The following MTHFD1L variants were observed in gnomAD, a reference collection of about 807,000 sequenced individuals.
The protein encoded by MTHFD1L is monofunctional C1-tetrahydrofolate synthase, mitochondrial.
MTHFD1L carries 81 observed loss-of-function variants against 119.5 expected under a neutral mutation model. That is an observed-to-expected ratio of 0.68 (90% CI 0.57 to 0.82). MTHFD1L has a LOEUF of 0.82. MTHFD1L is among the 40% of genes least tolerant of loss of function. The probability of loss-of-function intolerance (pLI) is 0.00; values close to 1 mark genes in which losing one functional copy is unlikely to be tolerated. For synonymous variants in MTHFD1L, 430 were observed against 475.2 expected (o/e 0.90, Z 1.24); for missense variants, 1,125 against 1,253.4 (o/e 0.90, Z 1.55).
chr6:151,087,407 G>A (rs1035930839), intron 26 of MTHFD1L, among the ~76,000 whole-genome samples: 1 of 152,068 alleles, frequency 6.6e-6, no homozygotes, highest in Admixed American at 6.6e-5. Flanking sequence ...TATGTAGAAG[G>A]ACTGTCTTCT....
At chr6:151,003,629 C>T (rs1780947383) in intron 20 of MTHFD1L, among the ~76,000 whole-genome samples, 1 of 152,166 alleles carries the variant, frequency 6.6e-6, no homozygotes, top group African/African-American at 2.4e-5. Context: ...GTGCCTGTGG[C>T]TGTTTCTCCA....
chr6:150,923,389 T>G (rs140631798), intron 10 of MTHFD1L, among the ~76,000 whole-genome samples: 2,241 of 152,162 alleles, frequency 0.015, 34 homozygotes, highest in East Asian at 0.029. Context: ...TCCAAGGAAT[T>G]GGCCCCACCC....
At chr6:150,991,443 A>T (rs988341361) in intron 20 of MTHFD1L, among the ~76,000 whole-genome samples, 1 of 152,246 alleles carries the variant, frequency 6.6e-6, no homozygotes, top group African/African-American at 2.4e-5. Flanking sequence ...ATATAGAAGT[A>T]TATCAAATGA....
At chr6:151,015,348 T>G (rs2128491197) in intron 23 of MTHFD1L, among the ~76,000 whole-genome samples, 168 bp from the exon 24 acceptor site, 1 of 152,282 alleles carries the variant, frequency 6.6e-6, no homozygotes, top group East Asian at 1.9e-4. Flanking sequence ...GAGAGGACTT[T>G]TTTTTTCCAT....
At chr6:150,907,023 A>C (rs1189967134) in intron 8 of MTHFD1L, among the ~76,000 whole-genome samples, 1 of 152,094 alleles carries the variant, frequency 6.6e-6, no homozygotes, top group Non-Finnish European at 1.5e-5. Context: ...AAAAAAAAAA[A>C]AACAAAGCCT....
chr6:150,965,071 A>C, intron 19 of MTHFD1L, 34 bp downstream of exon 19: 1 of 1,586,518 alleles, frequency 6.3e-7, no homozygotes, highest in Non-Finnish European at 8.7e-7. Flanking sequence ...AATTGTTTGC[A>C]TTAACTGGAT....
intron 26 of MTHFD1L, among the ~76,000 whole-genome samples, chr6:151,049,363 A>G (rs374825707): frequency 5.9e-5 from 9 of 152,230 alleles, no homozygotes; most frequent in Admixed American, 2.6e-4. Flanking sequence ...GTGGTGGCAG[A>G]CGCCTGTAGT....
intron 8 of MTHFD1L, 97 bp from the exon 9 acceptor site, chr6:150,918,480 T>G: frequency 3.0e-5 from 26 of 873,034 alleles, no homozygotes; most frequent in Non-Finnish European, 4.2e-5. Context: ...TGGTGAAAAA[T>G]GAGACCACTA....
intron 7 of MTHFD1L, among the ~76,000 whole-genome samples, chr6:150,891,964 T>C (rs1226183127): frequency 1.3e-5 from 2 of 152,204 alleles, no homozygotes; most frequent in Non-Finnish European, 2.9e-5. Context: ...GCCAGGTGTC[T>C]CAGCAGATTT....
intron 7 of MTHFD1L, among the ~76,000 whole-genome samples, chr6:150,896,694 G>T (rs1190038567): frequency 6.6e-6 from 1 of 152,160 alleles, no homozygotes; most frequent in Non-Finnish European, 1.5e-5. Flanking sequence ...GGAAGAAAGT[G>T]AATAGAACTT....
At chr6:150,986,006 AG>A (rs1321440538) in intron 20 of MTHFD1L, among the ~76,000 whole-genome samples, 1 of 152,254 alleles carries the variant, frequency 6.6e-6, no homozygotes, top group Non-Finnish European at 1.5e-5. Flanking sequence ...TGGTGCCAAA[AG>A]GGATGTTAAG....
At chr6:150,967,160 C>G (rs759363531) in intron 19 of MTHFD1L, among the ~76,000 whole-genome samples, 1 of 152,252 alleles carries the variant, frequency 6.6e-6, no homozygotes, top group African/African-American at 2.4e-5. Flanking sequence ...TTGTCTGTCA[C>G]TGGGGTCTCC....
At chr6:151,030,866 C>T (rs1785249188) in intron 24 of MTHFD1L, among the ~76,000 whole-genome samples, 1 of 152,142 alleles carries the variant, frequency 6.6e-6, no homozygotes, top group Non-Finnish European at 1.5e-5. Flanking sequence ...CTTTATTCTT[C>T]AGCTAATATG....
chr6:150,903,274 G>C (rs886166961), intron 7 of MTHFD1L, among the ~76,000 whole-genome samples: 3 of 133,892 alleles, frequency 2.2e-5, no homozygotes, highest in African/African-American at 8.6e-5. Flanking sequence ...CTGGAGTGCA[G>C]TGGTGCAATC....
chr6:150,915,773 T>G (rs2128878496), intron 8 of MTHFD1L, among the ~76,000 whole-genome samples: 1 of 152,256 alleles, frequency 6.6e-6, no homozygotes, highest in African/African-American at 2.4e-5. Context: ...CTAACTTTTT[T>G]TTGTATTTTT....
chr6:151,099,722 C>T (rs1795203697), intron 27 of MTHFD1L: 2 of 1,611,020 alleles, frequency 1.2e-6, no homozygotes, highest in African/African-American at 2.7e-5. Context: ...AACAAAAAAA[C>T]AAAGCACATG....
At chr6:150,975,982 G>A (rs552500661) in intron 20 of MTHFD1L, among the ~76,000 whole-genome samples, 14 of 152,204 alleles carry the variant, frequency 9.2e-5, no homozygotes, top group Non-Finnish European at 2.1e-4. Flanking sequence ...TGGATCACCT[G>A]AGGTCAGGTG....
chr6:150,969,193 G>A (rs1395262874), intron 19 of MTHFD1L, among the ~76,000 whole-genome samples: 1 of 152,160 alleles, frequency 6.6e-6, no homozygotes, highest in African/African-American at 2.4e-5. Context: ...TGTTGGCCAG[G>A]CCAGTCTCAA....
chr6:150,989,965 A>G lies in MTHFD1L; in HGVS notation c.2125+17907A>G, dbSNP rs78343523. On this transcript the variant is annotated intron_variant, in intron 20 of 27. Transcript: ENST00000367321. Reference sequence around the variant, plus strand: ...ATTTGTCTAGATTCTGCAAGAATGAATTCATGAGGATGGATTTAAAAGCTT... The same window carrying G: ...ATTTGTCTAGATTCTGCAAGAATGAGTTCATGAGGATGGATTTAAAAGCTT... Among the ~76,000 whole-genome samples the G allele has an allele frequency of 5.0e-3, 757 of 152,330 alleles. 2 individuals carry two copies. Among genetic ancestry groups the G allele is most frequent in the Non-Finnish European group, 7.6e-3 (517 of 68,032 alleles).
Sources: gnomAD v4.1 joint callset for allele counts (sites outside exome capture counted in the v4.1 genomes callset) on GRCh38, gnomAD v4.1.1 for gene constraint, MANE v1.5 for transcripts, NCBI Gene and HGNC (gene_info 2026-07-23, HGNC 2026-07-21) for gene names.